Variants in HS6ST3 observed in about 807,000 individuals in gnomAD.
HS6ST3 encodes the protein heparan sulfate 6-O-sulfotransferase 3, also known as heparan-sulfate 6-O-sulfotransferase 3.
Under a neutral mutation model 36.7 loss-of-function variants are expected in HS6ST3, and 12 were observed. The ratio of observed to expected loss-of-function variants is 0.33; its 90% CI spans 0.21 to 0.53. The LOEUF is 0.53. Ranked by LOEUF, HS6ST3 falls within the 20% of genes least tolerant of loss-of-function variation. The pLI, the probability that HS6ST3 is intolerant of heterozygous loss-of-function variation, is 0.95. For missense variants in HS6ST3, 584 were observed against 640.9 expected (o/e 0.91, Z 0.96); for synonymous variants, 240 against 257.5 (o/e 0.93, Z 0.65).
intron 1 of HS6ST3, among the ~76,000 whole-genome samples, chr13:96,645,098 A>G (rs2056584345): frequency 6.6e-6 from 1 of 151,952 alleles, no homozygotes; most frequent in African/African-American, 2.4e-5. Context: ...TAATAGGGTT[A>G]CTGGCATCAG....
chr13:96,122,131 T>TTATTATTATTAC (rs1380039255), intron 1 of HS6ST3, among the ~76,000 whole-genome samples: 1 of 148,570 alleles, frequency 6.7e-6, no homozygotes, highest in Non-Finnish European at 1.5e-5. Context: ...ATTATTATTA[T>TTATTATTATTAC]TATTACTATT....
rs1380284164 is a variant in HS6ST3 at position 96,346,855 on chromosome 13, T to C, written c.707+255286T>C. ...AGAATATGGTAGCATTGAGAGGATG[T>C]CACTTCCATGATTAGGTTACAAGAA... On this transcript the variant is annotated intron_variant, in intron 1 of 1. Coordinates refer to ENST00000376705, the MANE Select transcript of HS6ST3 (RefSeq NM_153456.4). Among the ~76,000 whole-genome samples, 3 of 152,082 alleles carry C rather than the reference T, an allele frequency of 2.0e-5. No individual in the cohort carries two copies. In the South Asian group the frequency reaches 6.2e-4, roughly 31 times the overall value.
chr13:96,796,856 C>A (rs766544328), intron 1 of HS6ST3, among the ~76,000 whole-genome samples: 1 of 151,966 alleles, frequency 6.6e-6, no homozygotes, highest in Non-Finnish European at 1.5e-5. Flanking sequence ...AGTAGATGAG[C>A]ATTTATTTGG....
At chr13:96,113,095 G>A (rs1168732022) in intron 1 of HS6ST3, among the ~76,000 whole-genome samples, 4 of 152,110 alleles carry the variant, frequency 2.6e-5, no homozygotes, top group South Asian at 2.1e-4. Context: ...CTCCAGATCC[G>A]AGGAGATCAG....
chr13:96,106,820 G>A (rs2053843892), intron 1 of HS6ST3, among the ~76,000 whole-genome samples: 1 of 152,228 alleles, frequency 6.6e-6, no homozygotes, highest in Admixed American at 6.5e-5. Flanking sequence ...TCGGAAATTT[G>A]AGAAGAGCAG....
chr13:96,478,420 T>C (rs7317645), intron 1 of HS6ST3, among the ~76,000 whole-genome samples: 113,649 of 151,986 alleles, frequency 0.75, 43,951 homozygotes, highest in Non-Finnish European at 0.84. Context: ...TAAAACTTAA[T>C]GTACATAGTG....
chr13:96,832,594 G>A lies in HS6ST3; in HGVS notation c.812G>A (p.Cys271Tyr). The part of the protein sequence containing the change: ...GATWKTSLHM[C>Y]DGRSPTPDEL... The stretch of plus-strand genomic sequence containing the variant: ...ACTTGGAAAACCTCTCTTCATATGT[G>A]TGATGGAAGAAGCCCCACCCCAGAT... Residue 271 changes from cysteine (C) to tyrosine (Y), a missense_variant, in exon 2 of 2, where the codon TGT (cysteine) becomes TAT (tyrosine). Physicochemically the swap from Cys to Tyr is radical, Grantham distance 194. Around this residue, in one of 3 missense-constraint regions of HS6ST3, gnomAD observed 360 missense variants for 411.3 expected, o/e 0.88. Transcript: ENST00000376705. 2 of 1,614,092 alleles carry A rather than the reference G, an allele frequency of 1.2e-6. No homozygotes were observed. Among genetic ancestry groups the A allele is most frequent in the Non-Finnish European group, 1.7e-6 (2 of 1,179,992 alleles).
intron 1 of HS6ST3, among the ~76,000 whole-genome samples, chr13:96,479,511 A>G (rs776382337): frequency 7.2e-5 from 11 of 152,148 alleles, no homozygotes; most frequent in Non-Finnish European, 1.3e-4. Flanking sequence ...TGTACAGGAA[A>G]ATGGATTAGA....
chr13:96,812,015 A>T (rs1002178793), intron 1 of HS6ST3, among the ~76,000 whole-genome samples: 53 of 152,306 alleles, frequency 3.5e-4, no homozygotes, highest in Middle Eastern at 6.8e-3. Flanking sequence ...TGTATTCTTC[A>T]CTACACTTTC....
At chr13:96,728,501 C>T (rs760368566) in intron 1 of HS6ST3, among the ~76,000 whole-genome samples, 6 of 152,156 alleles carry the variant, frequency 3.9e-5, no homozygotes, top group South Asian at 2.1e-4. Context: ...CATTTAATGA[C>T]GTCTATTCCC....
At chr13:96,756,290 A>T (rs180956582) in intron 1 of HS6ST3, among the ~76,000 whole-genome samples, 1 of 152,156 alleles carries the variant, frequency 6.6e-6, no homozygotes, top group East Asian at 1.9e-4. Context: ...AATTGTGAAT[A>T]TTTTCTCCCA....
At position 96,376,877 on chromosome 13, in the gene HS6ST3, AG is replaced by A. The variant is rs61335673; in HGVS notation, c.707+285310del. 7.5e-3 allele frequency among the ~76,000 whole-genome samples: 1,135 copies of A among 152,178 alleles called. 14 individuals carry two copies. The highest frequency in any genetic ancestry group is 0.026 in the African/African-American group (1,095 of 41,522). The stretch of plus-strand genomic sequence containing the variant: ...ATGCCTGTAATCCCAGCACTTTGGG[AG>A]GCTGATGCTGGAGGATCACTTGAGG... On this transcript the variant is annotated intron_variant, in intron 1 of 1. Coordinates refer to ENST00000376705, the MANE Select transcript of HS6ST3 (RefSeq NM_153456.4).
rs993607747 is a variant in HS6ST3, at chr13:96,223,482, G to A, written c.707+131913G>A. Among the ~76,000 whole-genome samples the A allele has an allele frequency of 3.3e-5, 5 of 152,340 alleles. No homozygotes were observed. In the South Asian group the frequency reaches 6.2e-4, roughly 19 times the overall value. On this transcript the variant is annotated intron_variant, in intron 1 of 1. Coordinates refer to ENST00000376705, the MANE Select transcript of HS6ST3 (RefSeq NM_153456.4). Reference sequence around the variant, plus strand: ...GCTAATTTCAGCTTCGGTGTTGGCAGTGTTGATATACACAGAGCATTTTTC... The same window carrying A: ...GCTAATTTCAGCTTCGGTGTTGGCAATGTTGATATACACAGAGCATTTTTC...
chr13:96,732,049 G>A (rs1482345603), intron 1 of HS6ST3, among the ~76,000 whole-genome samples: 4 of 152,000 alleles, frequency 2.6e-5, no homozygotes, highest in African/African-American at 7.3e-5. Context: ...CTCTCTTTAC[G>A]CACATCCTTG....
At chr13:96,190,164 A>G (rs1308177419) in intron 1 of HS6ST3, among the ~76,000 whole-genome samples, 2 of 152,236 alleles carry the variant, frequency 1.3e-5, no homozygotes, top group African/African-American at 4.8e-5. Flanking sequence ...GCAAGTGACT[A>G]CGACATATCC....
chr13:96,312,566 A>G (rs979559227), intron 1 of HS6ST3, among the ~76,000 whole-genome samples: 4 of 152,158 alleles, frequency 2.6e-5, no homozygotes, highest in African/African-American at 9.7e-5. Context: ...TCTCCTTAAT[A>G]AAATTAATTT....
intron 1 of HS6ST3, among the ~76,000 whole-genome samples, chr13:96,409,709 C>G (rs902234767): frequency 3.5e-4 from 54 of 152,198 alleles, no homozygotes; most frequent in African/African-American, 1.3e-3. Flanking sequence ...AATCTTAAAG[C>G]AGTCTGCAAG....
At chr13:96,151,874 A>G (rs1165005607) in intron 1 of HS6ST3, among the ~76,000 whole-genome samples, 1 of 152,128 alleles carries the variant, frequency 6.6e-6, no homozygotes, top group Non-Finnish European at 1.5e-5. Context: ...TCTTTCCTGC[A>G]TGTCTCTCTC....
At chr13:96,631,154 A>G (rs1000951864) in intron 1 of HS6ST3, among the ~76,000 whole-genome samples, 3 of 152,144 alleles carry the variant, frequency 2.0e-5, no homozygotes, top group Non-Finnish European at 4.4e-5. Context: ...TGCTGGTGAT[A>G]TATCAGGCAG....
Sources: gnomAD v4.1 joint callset for allele counts (sites outside exome capture counted in the v4.1 genomes callset) on GRCh38, gnomAD v4.1.1 for gene constraint, gnomAD v4.1.1 regional missense constraint, MANE v1.5 for transcripts, NCBI Gene and HGNC (gene_info 2026-07-23, HGNC 2026-07-21) for gene names.